Variants in PPP4R3B observed in about 807,000 individuals in gnomAD.
PPP4R3B encodes protein phosphatase 4 regulatory subunit 3B.
Under a neutral mutation model 95.4 loss-of-function variants are expected in PPP4R3B, and 52 were observed. The ratio of observed to expected loss-of-function variants is 0.54; its 90% CI spans 0.44 to 0.69. The LOEUF (loss-of-function observed/expected upper bound fraction) is 0.69. PPP4R3B is among the 30% of genes least tolerant of loss of function. PPP4R3B has a pLI of 0.00. For synonymous variants in PPP4R3B, 407 were observed against 343.9 expected (o/e 1.18, Z -2.03); for missense variants, 1,003 against 1,005.9 (o/e 1.00, Z 0.04).
intron 2 of PPP4R3B, among the ~76,000 whole-genome samples, chr2:55,608,354 A>G (rs578096656): frequency 2.6e-5 from 4 of 152,272 alleles, no homozygotes; most frequent in African/African-American, 9.6e-5. Context: ...AAAATACCAG[A>G]AACTAAATGG....
chr2:55,578,207 TAAGTA>T (rs1371184145), intron 10 of PPP4R3B, 35 bp downstream of exon 10: 1 of 1,344,396 alleles, frequency 7.4e-7, no homozygotes. Flanking sequence ...CATAACAACA[TAAGTA>T]AATATAGGAG....
chr2:55,599,280 A>T (rs1692228363), intron 3 of PPP4R3B, among the ~76,000 whole-genome samples: 1 of 152,038 alleles, frequency 6.6e-6, no homozygotes, highest in East Asian at 1.9e-4. Context: ...TCCACTAAAA[A>T]TACAAAAATC....
At chr2:55,580,851 C>G (rs1366249085) in intron 8 of PPP4R3B, among the ~76,000 whole-genome samples, 1 of 152,118 alleles carries the variant, frequency 6.6e-6, no homozygotes, top group African/African-American at 2.4e-5. Flanking sequence ...GTATTAAGGA[C>G]TTAATCCTTA....
At chr2:55,588,222 A>G (rs1690427064) in intron 5 of PPP4R3B, among the ~76,000 whole-genome samples, 1 of 152,224 alleles carries the variant, frequency 6.6e-6, no homozygotes, top group Non-Finnish European at 1.5e-5. Flanking sequence ...TTTAAAAAGA[A>G]AAGCATTGCG....
chr2:55,575,779 A>G (rs1303290742), intron 11 of PPP4R3B, among the ~76,000 whole-genome samples: 2 of 152,194 alleles, frequency 1.3e-5, no homozygotes, highest in South Asian at 2.1e-4. Context: ...ATAAAATCAC[A>G]GGCTTACGGA....
intron 2 of PPP4R3B, among the ~76,000 whole-genome samples, chr2:55,604,795 G>C (rs1572715944): frequency 6.7e-6 from 1 of 149,800 alleles, no homozygotes; most frequent in Non-Finnish European, 1.5e-5. Context: ...ATAAAACATA[G>C]ACACACACAC....
At chr2:55,594,965 G>A (rs181582816) in intron 4 of PPP4R3B, among the ~76,000 whole-genome samples, 84 of 151,240 alleles carry the variant, frequency 5.6e-4, no homozygotes, top group African/African-American at 1.9e-3. Flanking sequence ...AAATGAAGTC[G>A]ATTAGCTAGG....
At chr2:55,585,587 A>T (rs1223780297) in intron 6 of PPP4R3B, among the ~76,000 whole-genome samples, 1 of 152,158 alleles carries the variant, frequency 6.6e-6, no homozygotes, top group Non-Finnish European at 1.5e-5. Flanking sequence ...CTCCTTAGTA[A>T]CTGTTTCTAT....
At chr2:55,550,979 G>T (rs1385305381) in intron 16 of PPP4R3B, among the ~76,000 whole-genome samples, 1 of 152,086 alleles carries the variant, frequency 6.6e-6, no homozygotes, top group South Asian at 2.1e-4. Context: ...AAGCAATATG[G>T]CTAAATTGTT....
intron 3 of PPP4R3B, among the ~76,000 whole-genome samples, chr2:55,603,179 C>T (rs942134888): frequency 6.6e-6 from 1 of 152,152 alleles, no homozygotes; most frequent in Non-Finnish European, 1.5e-5. Context: ...TCTCGAACTC[C>T]TGATGTCAGG....
intron 4 of PPP4R3B, among the ~76,000 whole-genome samples, chr2:55,592,200 T>C (rs1480588572): frequency 1.3e-5 from 2 of 152,198 alleles, no homozygotes; most frequent in Non-Finnish European, 2.9e-5. Flanking sequence ...TTTTGCAACA[T>C]TACAGAGACT....
intron 14 of PPP4R3B, among the ~76,000 whole-genome samples, 196 bp downstream of exon 14, chr2:55,564,706 G>T (rs957055810): frequency 6.6e-6 from 1 of 152,096 alleles, no homozygotes; most frequent in Admixed American, 6.6e-5. Flanking sequence ...AATATTCTTC[G>T]TAAGTTACAA....
chr2:55,595,738 G>GAAA (rs11367361), intron 4 of PPP4R3B, among the ~76,000 whole-genome samples: 6 of 130,498 alleles, frequency 4.6e-5, no homozygotes, highest in Non-Finnish European at 6.4e-5. Context: ...AAAAGTACAT[G>GAAA]AAAAAAAAAA....
intron 16 of PPP4R3B, among the ~76,000 whole-genome samples, chr2:55,551,480 G>A (rs895792303): frequency 2.6e-5 from 4 of 152,222 alleles, no homozygotes; most frequent in African/African-American, 9.6e-5. Flanking sequence ...GCCAGGCGCA[G>A]TGGCTCATGC....
At chr2:55,554,367 T>C (rs948062665) in intron 16 of PPP4R3B, among the ~76,000 whole-genome samples, 2 of 152,254 alleles carry the variant, frequency 1.3e-5, no homozygotes, top group African/African-American at 4.8e-5. Context: ...TGTGCTATTT[T>C]ATATTCTCAC....
At chr2:55,582,794 C>T (rs573528495) in intron 7 of PPP4R3B, among the ~76,000 whole-genome samples, 1 of 152,048 alleles carries the variant, frequency 6.6e-6, no homozygotes, top group Non-Finnish European at 1.5e-5. Flanking sequence ...AAAAATTAAC[C>T]TAAGATTTTA....
At chr2:55,608,453 A>AT (rs1395661198) in intron 2 of PPP4R3B, among the ~76,000 whole-genome samples, 6 of 152,228 alleles carry the variant, frequency 3.9e-5, no homozygotes, top group African/African-American at 1.4e-4. Context: ...CTGATTACCA[A>AT]TAACTGATCC....
chr2:55,558,302 T>A (rs1025668721), intron 16 of PPP4R3B, among the ~76,000 whole-genome samples: 3 of 152,104 alleles, frequency 2.0e-5, no homozygotes, highest in Admixed American at 2.0e-4. Context: ...CAAAATAGAA[T>A]GGGGGACAGG....
In PPP4R3B at chr2:55,573,688, T is replaced by G; in HGVS notation, c.1696A>C (p.Ile566Leu). 6.5e-7 allele frequency: 1 copy of G among 1,546,440 alleles called. No homozygotes were observed. Among genetic ancestry groups the G allele is most frequent in the East Asian group, 2.5e-5 (1 of 40,636 alleles). The change falls in exon 12 of 17, where the codon ATT becomes CTT. Residue 566 changes from isoleucine to leucine, a missense_variant. Coordinates refer to ENST00000616407, the MANE Select transcript of PPP4R3B (RefSeq NM_001122964.3). ...CTTCTTAGCAAGTCCTTGTTCATAA[T>G]ATAGTTTTTTATGTGATATGTGTGA... The part of the protein sequence containing the change: ...EHHTYHIKNY[I>L]MNKDLLRRVL...
Sources: allele counts gnomAD v4.1 joint callset (sites outside exome capture counted in the v4.1 genomes callset), GRCh38; gene constraint gnomAD v4.1.1; transcripts MANE v1.5; gene names NCBI Gene and HGNC (gene_info 2026-07-23, HGNC 2026-07-21).